DBF4: variants seen among roughly 807,000 people sequenced by gnomAD.
DBF4 encodes the protein DBF4-CDC7 kinase regulatory subunit, also known as protein DBF4 homolog A.
In DBF4, 25 loss-of-function variants were observed where a neutral mutation model predicts 76.6. That is an observed-to-expected ratio of 0.33 (90% confidence interval 0.24 to 0.46). The LOEUF (loss-of-function observed/expected upper bound fraction) is 0.46. Among genes scored for constraint, DBF4 ranks in the 20% least tolerant of loss-of-function variants. DBF4 has a pLI of 1.00. For synonymous variants in DBF4, 213 were observed against 258.0 expected (o/e 0.83, Z 1.67); for missense variants, 638 against 760.8 (o/e 0.84, Z 1.90).
chr7:87,908,001 G>C lies in DBF4; in HGVS notation c.1863G>C (p.Leu621Phe), dbSNP rs1476888303. ...CACCGGTACAGTCTTTACTAGACTT[G>C]TTTCAGACTAGTGAAGAGAAATCAG... Reference protein sequence around the residue: ...CSSPVQSLLDLFQTSEEKSEF... With the variant: ...CSSPVQSLLDFFQTSEEKSEF... The change falls in exon 12 of 12, where the codon TTG becomes TTC. Residue 621 changes from leucine to phenylalanine, a missense_variant. Leu to Phe is a conservative substitution (Grantham distance 22, BLOSUM62 0). Transcript: ENST00000265728. 6 of 1,613,658 alleles carry C rather than the reference G, an allele frequency of 3.7e-6. No homozygotes were observed. The African/African-American group carries it at 8.0e-5, about 22-fold the overall frequency.
At position 87,897,308 on chromosome 7, in the gene DBF4, A is replaced by G. The variant is rs1219486038; in HGVS notation, c.649A>G (p.Lys217Glu). 6 of 1,612,686 alleles carry G rather than the reference A, an allele frequency of 3.7e-6. No individual in the cohort carries two copies. The highest frequency in any genetic ancestry group is 3.4e-6 in the Non-Finnish European group (4 of 1,179,554). Residue 217 changes from lysine (K) to glutamate (E), a missense_variant, in exon 8 of 12, where the codon AAG (lysine) becomes GAG (glutamate). Transcript: ENST00000265728. ...AQKTRTGRLK[K>E]PFVKVEDMSQ... ...ATGTTCTCAAGCAGGAAGACTCAAA[A>G]AGCCTTTTGTAAAGGTGGAAGATAT...
Position 87,878,144 on chromosome 7 carries a change from T to C in DBF4, c.138T>C (p.Leu46=). The C allele has an allele frequency of 6.2e-7, 1 of 1,613,308 alleles. No homozygotes were observed. The highest frequency in any genetic ancestry group is 8.5e-7 in the Non-Finnish European group (1 of 1,179,742). The change falls in exon 2 of 12, where the codon CTT becomes CTC. Residue 46 remains leucine, a synonymous_variant. Coordinates refer to ENST00000265728, the MANE Select transcript of DBF4 (RefSeq NM_006716.4). ...NRPEKSKCKP[L]WGKVFYLDLP... ...CAGAAAAATCCAAATGTAAGCCACT[T>C]TGGGGAAAAGTATTTTACCTTGACT...
At chr7:87,898,402 A>G (rs1033341682) in intron 8 of DBF4, among the ~76,000 whole-genome samples, 6 of 152,190 alleles carry the variant, frequency 3.9e-5, no homozygotes, top group African/African-American at 1.2e-4. Context: ...ATCCCTATCA[A>G]AATCCCAATG....
At chr7:87,894,356 AGGCTGAGGT>A (rs1839573175) in intron 6 of DBF4, among the ~76,000 whole-genome samples, 1 of 152,158 alleles carries the variant, frequency 6.6e-6, no homozygotes, top group Admixed American at 6.5e-5. Flanking sequence ...CCTGCTTAGG[AGGCTGAGGT>A]GGCATGATGG....
chr7:87,884,913 G>T, intron 2 of DBF4, 66 bp from the exon 3 acceptor site: 1 of 1,239,418 alleles, frequency 8.1e-7, no homozygotes. Flanking sequence ...CTCTAGCCTG[G>T]ATAACACAGT....
rs963713626 is a variant in DBF4 at position 87,878,086 on chromosome 7, CATCTCTGAA to C, written c.91_99del (p.Ser31_Lys33del). The C allele has an allele frequency of 1.9e-6, 3 of 1,604,366 alleles. No individual in the cohort carries two copies. Among genetic ancestry groups the C allele is most frequent in the Non-Finnish European group, 2.5e-6 (3 of 1,177,132 alleles). On this transcript the variant is annotated inframe_deletion, in exon 2 of 12. Transcript: ENST00000265728. ...CAAGTCAAAAATGAAAAAAACAGAC[CATCTCTGAA>C]ATCTCTGAAAACTGATAACAGGCCA...
In DBF4 at chr7:87,900,011, A is replaced by G. The variant is rs558669585; in HGVS notation, c.681-210A>G. 4.6e-5 allele frequency among the ~76,000 whole-genome samples: 7 copies of G among 152,276 alleles called. No individual in the cohort carries two copies. In the East Asian group the frequency reaches 1.2e-3, roughly 25 times the overall value. ...CTGAATTGTACACTTAAAATGGTTA[A>G]GGTAATAAATTTTATGTGTATTTTA... On this transcript the variant is annotated intron_variant, in intron 8 of 11. Coordinates refer to ENST00000265728, the MANE Select transcript of DBF4 (RefSeq NM_006716.4).
chr7:87,882,052 C>T (rs538508275), intron 2 of DBF4, among the ~76,000 whole-genome samples: 3 of 152,224 alleles, frequency 2.0e-5, no homozygotes, highest in African/African-American at 4.8e-5. Context: ...TTGCAAAGGG[C>T]GTTTTATTCA....
intron 6 of DBF4, among the ~76,000 whole-genome samples, chr7:87,893,512 T>C (rs946425661): frequency 1.3e-5 from 2 of 152,170 alleles, no homozygotes; most frequent in Non-Finnish European, 2.9e-5. Flanking sequence ...CCCAAAGTGC[T>C]GGGATTACAG....
intron 2 of DBF4, among the ~76,000 whole-genome samples, chr7:87,884,672 A>T (rs1387986843): frequency 1.3e-5 from 2 of 152,226 alleles, no homozygotes; most frequent in Admixed American, 6.5e-5. Context: ...TTCCTCAGAG[A>T]TCTAGGTTCA....
At chr7:87,882,470 G>C (rs1014543120) in intron 2 of DBF4, among the ~76,000 whole-genome samples, 2 of 152,148 alleles carry the variant, frequency 1.3e-5, no homozygotes, top group African/African-American at 4.8e-5. Context: ...TATGAAATTG[G>C]ACTTCATCAG....
intron 1 of DBF4, among the ~76,000 whole-genome samples, chr7:87,877,390 T>TTGTG (rs1300398825): frequency 1.3e-5 from 2 of 152,172 alleles, no homozygotes; most frequent in Non-Finnish European, 2.9e-5. Flanking sequence ...GTACAGGTGT[T>TTGTG]TGTGTGTGTG....
rs1839959370 is a variant in DBF4 at position 87,908,254 on chromosome 7, C to A, written c.*91C>A. The A allele has an allele frequency of 1.8e-5, 23 of 1,286,612 alleles. No individual in the cohort carries two copies. The highest frequency in any genetic ancestry group is 6.8e-5 in the Admixed American group (2 of 29,434). The allele number at this position is 1,286,612 out of a possible 1,614,324, so 79.7% of individuals were successfully genotyped here. On this transcript the variant is annotated 3_prime_UTR_variant, in exon 12 of 12. Transcript: ENST00000265728. ...TATGGAAATTCTTAGGATTTTTTTA[C>A]CAGCTTTGTTTACAGACCCAAATGT... is the stretch of plus-strand genomic sequence containing the variant.
chr7:87,904,223 C>A, intron 10 of DBF4, 69 bp from the exon 11 acceptor site: 2 of 1,481,938 alleles, frequency 1.3e-6, no homozygotes, highest in Non-Finnish European at 1.8e-6. Context: ...TGTTAGAAAA[C>A]CTTAATTAAA....
intron 6 of DBF4, among the ~76,000 whole-genome samples, chr7:87,894,727 C>T: frequency 6.6e-6 from 1 of 152,292 alleles, no homozygotes; most frequent in East Asian, 1.9e-4. Flanking sequence ...TACTCTTGTC[C>T]TAAAACTGTC....
chr7:87,886,749 T>C (rs1839365821), intron 3 of DBF4, 95 bp from the exon 4 acceptor site: 1 of 758,434 alleles, frequency 1.3e-6, no homozygotes, highest in Non-Finnish European at 2.2e-6. Context: ...CTTTTTAATA[T>C]GAGACCCAAA....
At chr7:87,905,355 TAA>T (rs1212591570) in intron 11 of DBF4, among the ~76,000 whole-genome samples, 1 of 152,248 alleles carries the variant, frequency 6.6e-6, no homozygotes, top group Non-Finnish European at 1.5e-5. Flanking sequence ...TGTAGAACCA[TAA>T]AGTTTACCAT....
At chr7:87,901,019 T>G in intron 10 of DBF4, 141 bp downstream of exon 10, 1 of 690,520 alleles carries the variant, frequency 1.4e-6, no homozygotes, top group Non-Finnish European at 2.4e-6. Flanking sequence ...TGAATTTTTA[T>G]TCAGCAAATA....
At chr7:87,878,010 A>T (rs780928218) in intron 1 of DBF4, 43 bp from the exon 2 acceptor site, 7 of 1,397,074 alleles carry the variant, frequency 5.0e-6, no homozygotes, top group South Asian at 2.7e-5. Context: ...AAAAATAGTA[A>T]AAGTGTCTGT....
Sources: allele counts gnomAD v4.1 joint callset (sites outside exome capture counted in the v4.1 genomes callset), GRCh38; gene constraint gnomAD v4.1.1; transcripts MANE v1.5; gene names NCBI Gene and HGNC (gene_info 2026-07-23, HGNC 2026-07-21).